PPP2R3A: variants seen among roughly 807,000 people sequenced by gnomAD.
PPP2R3A encodes protein phosphatase 2 regulatory subunit B''alpha.
Under a neutral mutation model 106.9 loss-of-function variants are expected in PPP2R3A, and 80 were observed. That is an observed-to-expected ratio of 0.75 (90% confidence interval 0.62 to 0.90). PPP2R3A has a LOEUF of 0.90. Among genes scored for constraint, PPP2R3A ranks in the 40% least tolerant of loss-of-function variants. The pLI, the probability that PPP2R3A is intolerant of heterozygous loss-of-function variation, is 0.00. For missense variants in PPP2R3A, 1,386 were observed against 1,350.4 expected (o/e 1.03, Z -0.41); for synonymous variants, 483 against 468.3 (o/e 1.03, Z -0.41).
intron 5 of PPP2R3A, among the ~76,000 whole-genome samples, chr3:136,059,486 G>A (rs893920627): frequency 8.5e-5 from 13 of 152,226 alleles, no homozygotes; most frequent in East Asian, 5.8e-4. Context: ...ATAAGATACC[G>A]GCAAGGTTGT....
At chr3:135,986,953 T>C (rs1932948001) in intron 1 of PPP2R3A, among the ~76,000 whole-genome samples, 1 of 152,186 alleles carries the variant, frequency 6.6e-6, no homozygotes, top group Non-Finnish European at 1.5e-5. Context: ...ATTTTTCACT[T>C]CCCATTCTTT....
intron 5 of PPP2R3A, chr3:136,055,804 T>C (rs995703343): frequency 2.7e-5 from 15 of 549,866 alleles, no homozygotes; most frequent in Non-Finnish European, 4.6e-5. Context: ...TATAAATAAA[T>C]GATTGGGGAG....
chr3:135,977,802 C>T (rs758228315), intron 1 of PPP2R3A, among the ~76,000 whole-genome samples: 40 of 147,736 alleles, frequency 2.7e-4, no homozygotes, highest in Admixed American at 7.7e-4. Flanking sequence ...CGGGCTCAAG[C>T]GATTCTCCAG....
At chr3:136,115,109 T>C (rs1937693907) in intron 13 of PPP2R3A, among the ~76,000 whole-genome samples, 1 of 152,170 alleles carries the variant, frequency 6.6e-6, no homozygotes, top group South Asian at 2.1e-4. Flanking sequence ...CCTCCGCTGA[T>C]GATACCCAAG....
intron 1 of PPP2R3A, among the ~76,000 whole-genome samples, chr3:135,991,461 A>T (rs915615611): frequency 7.2e-5 from 11 of 152,206 alleles, no homozygotes; most frequent in Non-Finnish European, 1.3e-4. Context: ...AGAATTTTTT[A>T]AAATTAGAAA....
chr3:136,087,249 C>CTCTCTCTCTG, intron 8 of PPP2R3A, among the ~76,000 whole-genome samples: 1 of 90,254 alleles, frequency 1.1e-5, no homozygotes, highest in Non-Finnish European at 2.1e-5. Flanking sequence ...AGTCGTGTCT[C>CTCTCTCTCTG]TCTCTCTCTC....
intron 13 of PPP2R3A, chr3:136,107,031 T>G (rs1937530645): frequency 6.6e-6 from 1 of 151,632 alleles, no homozygotes; most frequent in African/African-American, 2.4e-5. Flanking sequence ...GTGCAGGAAG[T>G]AACTTCTACA....
At chr3:136,080,335 G>T (rs931004234) in intron 7 of PPP2R3A, among the ~76,000 whole-genome samples, 1 of 152,152 alleles carries the variant, frequency 6.6e-6, no homozygotes, top group Non-Finnish European at 1.5e-5. Context: ...GAACATCCTT[G>T]TATGGGGTAT....
chr3:135,983,703 C>T (rs375775347), intron 1 of PPP2R3A, among the ~76,000 whole-genome samples: 5 of 152,310 alleles, frequency 3.3e-5, no homozygotes, highest in Admixed American at 1.3e-4. Context: ...TTTTTTAAGT[C>T]AGGCTTTATG....
intron 2 of PPP2R3A, among the ~76,000 whole-genome samples, chr3:136,025,111 A>C (rs1398189729): frequency 1.3e-5 from 2 of 152,136 alleles, no homozygotes; most frequent in Admixed American, 6.6e-5. Context: ...CTTGTCATTC[A>C]TCTTCTTACA....
At chr3:135,996,163 C>CAA (rs375938900) in intron 1 of PPP2R3A, among the ~76,000 whole-genome samples, 1 of 149,552 alleles carries the variant, frequency 6.7e-6, no homozygotes, top group Non-Finnish European at 1.5e-5. Context: ...TTAAAATGTC[C>CAA]AAAAAAAAAT....
At chr3:136,038,918 G>C (rs1352393750) in intron 3 of PPP2R3A, among the ~76,000 whole-genome samples, 1 of 152,194 alleles carries the variant, frequency 6.6e-6, no homozygotes, top group Non-Finnish European at 1.5e-5. Flanking sequence ...GGAGGTATGA[G>C]ATATTCGACC....
chr3:136,136,045 C>CAAAAAAAAA (rs34558229), intron 13 of PPP2R3A, among the ~76,000 whole-genome samples: 6 of 22,378 alleles, frequency 2.7e-4, no homozygotes, highest in Admixed American at 1.4e-3. Flanking sequence ...GACTCCGTCT[C>CAAAAAAAAA]AAAAAAAAAA....
At chr3:136,142,385 C>A (rs1387751644) in intron 13 of PPP2R3A, among the ~76,000 whole-genome samples, 1 of 152,122 alleles carries the variant, frequency 6.6e-6, no homozygotes, top group Non-Finnish European at 1.5e-5. Flanking sequence ...GGGACAAAAT[C>A]ACCCTAGTTG....
At chr3:136,091,651 G>C (rs986370734) in intron 10 of PPP2R3A, among the ~76,000 whole-genome samples, 2 of 152,148 alleles carry the variant, frequency 1.3e-5, no homozygotes, top group Non-Finnish European at 2.9e-5. Flanking sequence ...TTGTTTAGAA[G>C]ATGTTGAAAT....
intron 2 of PPP2R3A, among the ~76,000 whole-genome samples, chr3:136,013,650 T>G (rs958773210): frequency 1.3e-5 from 2 of 152,198 alleles, no homozygotes; most frequent in South Asian, 2.1e-4. Flanking sequence ...TTTGTACGTC[T>G]TCTTTTAAGA....
intron 3 of PPP2R3A, among the ~76,000 whole-genome samples, chr3:136,031,196 A>T (rs1934877795): frequency 6.6e-6 from 1 of 151,930 alleles, no homozygotes; most frequent in African/African-American, 2.4e-5. Flanking sequence ...TGCAGGGGTT[A>T]AGGTTCTTCT....
intron 1 of PPP2R3A, among the ~76,000 whole-genome samples, chr3:135,985,042 C>T (rs748197764): frequency 5.3e-5 from 8 of 152,114 alleles, no homozygotes; most frequent in East Asian, 3.9e-4. Flanking sequence ...ATCTCCCTCC[C>T]GCAACATGTG....
intron 4 of PPP2R3A, among the ~76,000 whole-genome samples, chr3:136,043,354 G>A (rs1210755641): frequency 3.3e-5 from 5 of 152,146 alleles, no homozygotes; most frequent in African/African-American, 1.2e-4. Context: ...AGCTACTCAG[G>A]AGGCTGAGGC....
Sources: gnomAD v4.1 joint callset for allele counts (sites outside exome capture counted in the v4.1 genomes callset) on GRCh38, gnomAD v4.1.1 for gene constraint, MANE v1.5 for transcripts, NCBI Gene and HGNC (gene_info 2026-07-23, HGNC 2026-07-21) for gene names.